UROC1: variants seen among roughly 807,000 people sequenced by gnomAD.
The protein encoded by UROC1 is urocanate hydratase 1.
UROC1 carries 79 observed loss-of-function variants against 89.5 expected under a neutral mutation model. The observed-to-expected ratio is 0.88, with a 90% CI of 0.74 to 1.06. The LOEUF is 1.06. Among genes scored for constraint, UROC1 ranks in the 50% least tolerant of loss-of-function variants. The pLI is 0.00. For synonymous variants in UROC1, 361 were observed against 354.8 expected (o/e 1.02, Z -0.20); for missense variants, 885 against 907.8 (o/e 0.97, Z 0.32).
intron 9 of UROC1, 141 bp downstream of exon 9, chr3:126,503,854 C>T: frequency 1.1e-6 from 1 of 872,674 alleles, no homozygotes; most frequent in South Asian, 1.3e-5. Flanking sequence ...TGTACATGTG[C>T]ATGTATGTGT....
At chr3:126,499,633 C>T (rs916829192) in intron 12 of UROC1, among the ~76,000 whole-genome samples, 2 of 152,264 alleles carry the variant, frequency 1.3e-5, no homozygotes, top group Admixed American at 6.5e-5. Flanking sequence ...CAGCCTCCAG[C>T]GCGCCAGAGC....
At chr3:126,500,023 C>G in intron 12 of UROC1, 34 bp downstream of exon 12, 19 of 1,584,438 alleles carry the variant, frequency 1.2e-5, no homozygotes, top group Non-Finnish European at 1.5e-5. Context: ...AGGGTGGTGG[C>G]CCCTCCCTCC....
chr3:126,483,989 T>C (rs531437487), intron 18 of UROC1, among the ~76,000 whole-genome samples: 2 of 142,308 alleles, frequency 1.4e-5, no homozygotes, highest in East Asian at 4.1e-4. Flanking sequence ...AATGCTGGGA[T>C]TATAGGCATG....
intron 18 of UROC1, among the ~76,000 whole-genome samples, chr3:126,487,618 C>T (rs1397547645): frequency 3.3e-5 from 5 of 152,222 alleles, no homozygotes; most frequent in African/African-American, 9.6e-5. Context: ...GCTGCAGCAC[C>T]CCTTGCTGCT....
At position 126,491,033 on chromosome 3, in the gene UROC1, G is replaced by A. The variant is rs79140340; in HGVS notation, c.1608+1385C>T. ...AGAAGATGCATCCTGACAAAAGCCT[G>A]GGATGCCCTGTGCTCTTGAATGAAG... On this transcript the variant is annotated intron_variant, in intron 16 of 19. Transcript: ENST00000290868. Among the ~76,000 whole-genome samples, 1,118 of 152,274 alleles carry A rather than the reference G, an allele frequency of 7.3e-3. 17 individuals carry two copies. The highest frequency in any genetic ancestry group is 0.035 in the Admixed American group (535 of 15,294).
intron 12 of UROC1, 94 bp from the exon 13 acceptor site, chr3:126,499,503 G>A (rs538894256): frequency 1.6e-6 from 2 of 1,228,748 alleles, no homozygotes; most frequent in Non-Finnish European, 1.2e-6. Context: ...GGGAGGCTGG[G>A]GAAGGATGCA....
chr3:126,493,845 T>G (rs1372423434), intron 15 of UROC1, among the ~76,000 whole-genome samples: 1 of 152,236 alleles, frequency 6.6e-6, no homozygotes. Context: ...AAGATGCAGG[T>G]GTCTGCCCCA....
chr3:126,509,469 G>T, intron 3 of UROC1, 116 bp downstream of exon 3: 1 of 1,054,068 alleles, frequency 9.5e-7, no homozygotes, highest in Non-Finnish European at 1.4e-6. Context: ...TACTAGCTTT[G>T]CAACTTTCTG....
In UROC1 at chr3:126,500,802, G is replaced by T; in HGVS notation, c.1038C>A (p.Cys346Ter). 1 of 1,614,054 alleles carries T rather than the reference G, an allele frequency of 6.2e-7. No individual in the cohort carries two copies. The highest frequency in any genetic ancestry group is 8.5e-7 in the Non-Finnish European group (1 of 1,180,028). Reference sequence around the variant, plus strand: ...AGTAGCCGCCATTGAACGGGTTGTGGCAGGATGTCTGATCTGACCCCAGGT... The same window carrying T: ...AGTAGCCGCCATTGAACGGGTTGTGTCAGGATGTCTGATCTGACCCCAGGT... ...LVDLGSDQTSCHNPFNGGYYP... is the reference protein window; with the variant it reads ...LVDLGSDQTS The change falls in exon 11 of 20, where the codon TGC (cysteine) becomes TGA (stop). Residue 346 changes from cysteine (C) to a stop codon, truncating the protein, a stop_gained. Coordinates refer to ENST00000290868, the MANE Select transcript of UROC1 (RefSeq NM_144639.3). LOFTEE classifies it high-confidence loss of function.
At position 126,507,766 on chromosome 3, in the gene UROC1, T is replaced by C. The variant is rs1258286396; in HGVS notation, c.578A>G (p.Lys193Arg). The stretch of plus-strand genomic sequence containing the variant: ...CATTGTAACCCCCAAGGCAAAGAGC[T>C]TCTCATACTCCGTCCGGGAGGAGTA... ...PNYSSRTEYE[K>R]LFALGVTMYG... The change falls in exon 6 of 20, where the codon AAG becomes AGG. Residue 193 changes from lysine to arginine, a missense_variant. Coordinates refer to ENST00000290868, the MANE Select transcript of UROC1 (RefSeq NM_144639.3). 1.9e-6 allele frequency: 3 copies of C among 1,614,042 alleles called. No homozygotes were observed. The highest frequency in any genetic ancestry group is 1.3e-5 in the African/African-American group (1 of 74,910).
intron 13 of UROC1, 87 bp downstream of exon 13, chr3:126,499,250 C>A: frequency 2.7e-6 from 4 of 1,472,292 alleles, no homozygotes. Flanking sequence ...GCTGAAGCTT[C>A]TCCAACCTAA....
chr3:126,499,571 GCTGT>G (rs1935866213), intron 12 of UROC1, among the ~76,000 whole-genome samples, 162 bp from the exon 13 acceptor site: 1 of 152,234 alleles, frequency 6.6e-6, no homozygotes, highest in Non-Finnish European at 1.5e-5. Flanking sequence ...CCAGCATGCT[GCTGT>G]CTGTGTGGCC....
At chr3:126,503,953 G>C in intron 9 of UROC1, 42 bp downstream of exon 9, 1 of 1,607,598 alleles carries the variant, frequency 6.2e-7, no homozygotes, top group Non-Finnish European at 8.5e-7. Context: ...CTGCTGCCAC[G>C]TGTCAGGTGT....
chr3:126,492,591 G>A (rs931590233), intron 15 of UROC1, 75 bp from the exon 16 acceptor site: 23 of 1,183,906 alleles, frequency 1.9e-5, no homozygotes, highest in Non-Finnish European at 2.4e-5. Context: ...AGGGAGACAC[G>A]GGTGGCACTT....
At chr3:126,486,730 G>A (rs1482030606) in intron 18 of UROC1, among the ~76,000 whole-genome samples, 1 of 152,258 alleles carries the variant, frequency 6.6e-6, no homozygotes, top group African/African-American at 2.4e-5. Context: ...CTGCTGCAGA[G>A]TTGCGGGGGG....
rs1935556709 is a variant in UROC1 at position 126,488,081 on chromosome 3, G to C, written c.1790+117C>G. The C allele has an allele frequency of 1.1e-5, 12 of 1,084,242 alleles. No homozygotes were observed. In the South Asian group the frequency reaches 1.4e-4, roughly 12 times the overall value. 67.2% of individuals were successfully genotyped at this position (1,084,242 alleles called of 1,614,324 possible). ...ACATTTTCCACAAAGGTGAGGGCAG[G>C]GGAGGTGACCAGGGAGGTAGGGCCC... On this transcript the variant is annotated intron_variant, in intron 18 of 19. Coordinates refer to ENST00000290868, the MANE Select transcript of UROC1 (RefSeq NM_144639.3).
At chr3:126,499,295 T>TG in intron 13 of UROC1, 42 bp downstream of exon 13, 1 of 1,598,242 alleles carries the variant, frequency 6.3e-7, no homozygotes, top group Non-Finnish European at 8.5e-7. Context: ...GGGGCAGGGG[T>TG]GGCACTGGGC....
In UROC1 at chr3:126,505,991, C is replaced by T; in HGVS notation, c.623G>A (p.Gly208Asp). 1.2e-6 allele frequency: 2 copies of T among 1,613,146 alleles called. No individual in the cohort carries two copies. The highest frequency in any genetic ancestry group is 1.7e-6 in the Non-Finnish European group (2 of 1,179,870). Residue 208 changes from glycine (G) to aspartate (D), a missense_variant, in exon 7 of 20, where the codon GGT becomes GAT. By Grantham distance (94) the Gly-to-Asp change is moderately conservative. Coordinates refer to ENST00000290868, the MANE Select transcript of UROC1 (RefSeq NM_144639.3). Reference sequence around the variant, plus strand: ...CTGGGGACCGATGTAGCAGTAGCTACCTGCTGTCATCTGGCCGTACCTGAC... The same window carrying T: ...CTGGGGACCGATGTAGCAGTAGCTATCTGCTGTCATCTGGCCGTACCTGAC... Reference protein sequence around the residue: ...GVTMYGQMTAGSYCYIGPQGI... With the variant: ...GVTMYGQMTADSYCYIGPQGI...
At chr3:126,504,157 C>T (rs1332749596) in intron 8 of UROC1, 74 bp from the exon 9 acceptor site, 3 of 1,502,288 alleles carry the variant, frequency 2.0e-6, no homozygotes, top group Admixed American at 1.7e-5. Context: ...GTATCATCCT[C>T]AACTAGGAAG....
Sources: allele counts gnomAD v4.1 joint callset (sites outside exome capture counted in the v4.1 genomes callset), GRCh38; gene constraint gnomAD v4.1.1; transcripts MANE v1.5; gene names NCBI Gene and HGNC (gene_info 2026-07-23, HGNC 2026-07-21).